ERBB4: variants seen among roughly 807,000 people sequenced by gnomAD.
The protein encoded by ERBB4 is erb-b2 receptor tyrosine kinase 4.
ERBB4 carries 42 observed loss-of-function variants against 158.0 expected under a neutral mutation model. That is an observed-to-expected ratio of 0.27 (90% CI 0.21 to 0.34). The LOEUF (loss-of-function observed/expected upper bound fraction) is 0.34. Ranked by LOEUF, ERBB4 falls within the 10% of genes least tolerant of loss-of-function variation. The pLI is 1.00. For missense variants in ERBB4, 1,333 were observed against 1,624.1 expected (o/e 0.82, Z 3.08); for synonymous variants, 583 against 558.7 (o/e 1.04, Z -0.61).
intron 27 of ERBB4, among the ~76,000 whole-genome samples, chr2:211,384,323 T>C (rs1201339838): frequency 6.6e-6 from 1 of 152,184 alleles, no homozygotes; most frequent in East Asian, 1.9e-4. Flanking sequence ...TTCTTTCTAA[T>C]TGCATTTGTC....
chr2:212,458,309 G>T (rs1011577105), intron 1 of ERBB4, among the ~76,000 whole-genome samples: 1 of 152,046 alleles, frequency 6.6e-6, no homozygotes, highest in African/African-American at 2.4e-5. Flanking sequence ...GAAAAAAATG[G>T]TAAGAATTCT....
At chr2:212,449,215 T>C (rs775522383) in intron 1 of ERBB4, among the ~76,000 whole-genome samples, 1 of 152,162 alleles carries the variant, frequency 6.6e-6, no homozygotes, top group Non-Finnish European at 1.5e-5. Context: ...AGCCATCAGT[T>C]TACTGTATCT....
Position 212,391,272 on chromosome 2 carries a change from C to A in ERBB4, c.82+147177G>T, listed in dbSNP as rs145914810. On this transcript the variant is annotated intron_variant, in intron 1 of 27. Transcript: ENST00000342788. ...ACAATAATAAGTTTTATGAAATTCT[C>A]TGATTGTCTATATGATTAACAGAAG... is the stretch of plus-strand genomic sequence containing the variant. Among the ~76,000 whole-genome samples the A allele has an allele frequency of 1.3e-3, 203 of 151,740 alleles. 2 individuals carry two copies. Among genetic ancestry groups the A allele is most frequent in the African/African-American group, 4.5e-3 (187 of 41,514 alleles).
At chr2:212,488,572 G>A (rs1690105812) in intron 1 of ERBB4, among the ~76,000 whole-genome samples, 1 of 151,726 alleles carries the variant, frequency 6.6e-6, no homozygotes, top group Admixed American at 6.6e-5. Context: ...TCAAGATTTG[G>A]GTTACAAAGG....
At chr2:211,910,439 C>A (rs1575360474) in intron 3 of ERBB4, among the ~76,000 whole-genome samples, 1 of 149,874 alleles carries the variant, frequency 6.7e-6, no homozygotes, top group African/African-American at 2.5e-5. Context: ...ACCAAAGGAG[C>A]TGGAGGCCAT....
chr2:212,462,446 T>A (rs1404091445), intron 1 of ERBB4, among the ~76,000 whole-genome samples: 1 of 152,052 alleles, frequency 6.6e-6, no homozygotes, highest in Non-Finnish European at 1.5e-5. Context: ...GGGTAAAGTA[T>A]CTGAACAGAT....
At chr2:212,424,337 C>G (rs1429545817) in intron 1 of ERBB4, among the ~76,000 whole-genome samples, 1 of 152,058 alleles carries the variant, frequency 6.6e-6, no homozygotes, top group Non-Finnish European at 1.5e-5. Flanking sequence ...ACTTTCCCTG[C>G]CACTAGGGAG....
intron 20 of ERBB4, among the ~76,000 whole-genome samples, chr2:211,546,282 G>T (rs979290943): frequency 6.6e-6 from 1 of 151,932 alleles, no homozygotes. Flanking sequence ...CTAGTATATT[G>T]ATGTTTAAGG....
intron 7 of ERBB4, among the ~76,000 whole-genome samples, chr2:211,719,501 C>G (rs2074027659): frequency 6.6e-6 from 1 of 152,156 alleles, no homozygotes; most frequent in African/African-American, 2.4e-5. Context: ...TCATGCTAAG[C>G]TTCTTTTGAA....
chr2:212,195,236 A>G (rs887868107), intron 1 of ERBB4, among the ~76,000 whole-genome samples: 7 of 152,032 alleles, frequency 4.6e-5, no homozygotes, highest in African/African-American at 1.7e-4. Flanking sequence ...CCTTTAAAAT[A>G]TCAATTTGCC....
At chr2:211,708,612 TTC>T (rs60948715) in intron 9 of ERBB4, among the ~76,000 whole-genome samples, 4,500 of 116,388 alleles carry the variant, frequency 0.039, 131 homozygotes, top group African/African-American at 0.093. Context: ...GTTTCCATCC[TTC>T]TCTCTCTCTC....
At chr2:212,211,688 T>C (rs1254325819) in intron 1 of ERBB4, among the ~76,000 whole-genome samples, 1 of 151,676 alleles carries the variant, frequency 6.6e-6, no homozygotes, top group Non-Finnish European at 1.5e-5. Flanking sequence ...CCATGGTGGT[T>C]TGCTGCACCT....
At position 211,581,308 on chromosome 2, in the gene ERBB4, T is replaced by A. The variant is rs148156332; in HGVS notation, c.2302-19220A>T. Among the ~76,000 whole-genome samples the A allele has an allele frequency of 4.0e-3, 608 of 151,696 alleles. 4 individuals carry two copies. Among genetic ancestry groups the A allele is most frequent in the African/African-American group, 0.013 (542 of 41,386 alleles). ...ATAGAAAAATTAAAAGTAAAAAATT[T>A]AAAAAAAGAAAAACATTACATTTTA... On this transcript the variant is annotated intron_variant, in intron 19 of 27. Transcript: ENST00000342788.
intron 2 of ERBB4, among the ~76,000 whole-genome samples, chr2:212,009,029 AATGTTTTTCTAAACAGAAATTTTAGTTAT>A (rs66523936): frequency 0.97 from 144,433 of 149,416 alleles, 70,058 homozygotes; most frequent in South Asian, 1. Flanking sequence ...TACAGCAAAA[AATGTTTTTCTAAACAGAAATTTTAGTTAT>A]ATGTTTTTCT....
chr2:212,498,537 C>G (rs1191017607), intron 1 of ERBB4, among the ~76,000 whole-genome samples: 2 of 152,012 alleles, frequency 1.3e-5, no homozygotes, highest in Non-Finnish European at 2.9e-5. Context: ...TTTTCACTTT[C>G]TTATATATTC....
At chr2:211,422,488 C>CAA (rs57602784) in intron 23 of ERBB4, among the ~76,000 whole-genome samples, 237 of 102,364 alleles carry the variant, frequency 2.3e-3, no homozygotes, top group South Asian at 0.014. Context: ...TCCTGGTGGA[C>CAA]AAAAAAAAAA....
At chr2:211,658,531 T>A (rs1009038586) in intron 15 of ERBB4, among the ~76,000 whole-genome samples, 11 of 152,188 alleles carry the variant, frequency 7.2e-5, no homozygotes, top group Non-Finnish European at 2.9e-5. Context: ...ATTATTCTGA[T>A]TCTTGGTTGT....
In ERBB4 at chr2:212,263,480, C is replaced by T. The variant is rs73066356; in HGVS notation, c.83-138577G>A. ...TTGGATTACAGCAAAAATATTTTCA[C>T]AGCGGACTTCTATGCACCAAATTGC... On this transcript the variant is annotated intron_variant, in intron 1 of 27. Transcript: ENST00000342788. Among the ~76,000 whole-genome samples, 562 of 152,234 alleles carry T rather than the reference C, an allele frequency of 3.7e-3. 5 individuals are homozygous for T. Among genetic ancestry groups the T allele is most frequent in the African/African-American group, 0.013 (538 of 41,542 alleles).
intron 20 of ERBB4, among the ~76,000 whole-genome samples, chr2:211,453,185 A>C (rs2064292312): frequency 6.6e-6 from 1 of 152,256 alleles, no homozygotes; most frequent in African/African-American, 2.4e-5. Context: ...CACCTCAAGA[A>C]AAGGGTAAAT....
Sources: gnomAD v4.1 joint callset for allele counts (sites outside exome capture counted in the v4.1 genomes callset) on GRCh38, gnomAD v4.1.1 for gene constraint, MANE v1.5 for transcripts, NCBI Gene and HGNC (gene_info 2026-07-23, HGNC 2026-07-21) for gene names.